Variants in PALD1 observed in about 807,000 individuals in gnomAD.
PALD1 encodes the protein paladin.
In PALD1, 57 loss-of-function variants were observed where a neutral mutation model predicts 96.0. The observed-to-expected ratio is 0.59, with a 90% confidence interval of 0.48 to 0.74. The LOEUF is 0.74. PALD1 is among the 30% of genes least tolerant of loss of function. The pLI is 0.00. For synonymous variants in PALD1, 464 were observed against 473.6 expected (o/e 0.98, Z 0.26); for missense variants, 1,063 against 1,143.7 (o/e 0.93, Z 1.02).
At chr10:70,527,694 C>T (rs1197641494) in intron 2 of PALD1, among the ~76,000 whole-genome samples, 5 of 152,202 alleles carry the variant, frequency 3.3e-5, no homozygotes, top group East Asian at 1.9e-4. Context: ...CCATGGGTCA[C>T]GTGGTAACAA....
At chr10:70,557,930 CT>C (rs781513750) in intron 18 of PALD1, among the ~76,000 whole-genome samples, 30,403 of 92,324 alleles carry the variant, frequency 0.33, 4,728 homozygotes, top group Non-Finnish European at 0.38. Context: ...TTGGCTCTTC[CT>C]TTTTTTTTTT....
the PALD1 span, among the ~76,000 whole-genome samples, chr10:70,461,366 T>G: frequency 6.6e-6 from 1 of 152,254 alleles, no homozygotes; most frequent in Non-Finnish European, 1.5e-5. Context: ...GCTGGAATTA[T>G]GTCTTTATTT....
chr10:70,537,823 C>A lies in PALD1; in HGVS notation c.1240C>A (p.Arg414=), dbSNP rs754176746. 12 of 1,612,674 alleles carry A rather than the reference C, an allele frequency of 7.4e-6. No individual in the cohort carries two copies. The highest frequency in any genetic ancestry group is 3.3e-5 in the Admixed American group (2 of 59,988). ...PESPAQGSGS[R]HSVWQRALWS... ...TCCTCTCTCTCAGGGAAGCGGCAGC[C>A]GACACAGCGTCTGGCAGAGGGCGCT... Residue 414 remains arginine, a synonymous_variant, in exon 11 of 20, where the codon CGA becomes AGA. Transcript: ENST00000263563.
At chr10:70,545,503 G>C (rs1004759259) in intron 17 of PALD1, among the ~76,000 whole-genome samples, 1 of 152,072 alleles carries the variant, frequency 6.6e-6, no homozygotes, top group Admixed American at 6.5e-5. Context: ...CTCAGCACAG[G>C]GTGGCTGGGA....
At chr10:70,543,220 T>C (rs185489130) in intron 17 of PALD1, among the ~76,000 whole-genome samples, 8 of 152,294 alleles carry the variant, frequency 5.3e-5, no homozygotes, top group African/African-American at 1.9e-4. Flanking sequence ...TCTGTTCAAG[T>C]CCTTTGTCCA....
At chr10:70,521,571 C>T (rs891230012) in intron 1 of PALD1, among the ~76,000 whole-genome samples, 15 of 152,020 alleles carry the variant, frequency 9.9e-5, no homozygotes, top group Admixed American at 9.8e-4. Flanking sequence ...CTTGCTCTGT[C>T]GCCCAGGCTG....
At chr10:70,494,526 T>A (rs1169994442) in intron 1 of PALD1, among the ~76,000 whole-genome samples, 1 of 152,236 alleles carries the variant, frequency 6.6e-6, no homozygotes, top group African/African-American at 2.4e-5. Context: ...TGCCACCTCC[T>A]CTTCCCCATA....
chr10:70,548,299 CAA>C lies in PALD1; in HGVS notation c.2262+864_2262+865del, dbSNP rs200247982. ...CAGCTTGGGTGATAGTGAGACTCCT[CAA>C]AAAAAAAAAAGTTTCATAATAGTCC... is the stretch of plus-strand genomic sequence containing the variant. On this transcript the variant is annotated intron_variant, in intron 18 of 19. Transcript: ENST00000263563. Among the ~76,000 whole-genome samples the C allele has an allele frequency of 3.5e-5, 5 of 142,596 alleles. No individual in the cohort carries two copies. In the South Asian group the frequency reaches 6.7e-4, roughly 19 times the overall value. 93.5% of individuals were successfully genotyped at this position (142,596 alleles called of 152,430 possible). A position where few individuals can be genotyped will look rare whatever the true frequency, so the allele number is the denominator to read the frequency against.
chr10:70,463,757 GCCA>G, the PALD1 span, among the ~76,000 whole-genome samples: 1 of 152,086 alleles, frequency 6.6e-6, no homozygotes, highest in Non-Finnish European at 1.5e-5. Context: ...GAACTGAGTG[GCCA>G]CCTCAGATGT....
chr10:70,506,200 C>T (rs1254564466), intron 1 of PALD1, among the ~76,000 whole-genome samples: 1 of 152,058 alleles, frequency 6.6e-6, no homozygotes, highest in African/African-American at 2.4e-5. Flanking sequence ...CATCATGGAC[C>T]CTTACGTGAC....
intron 1 of PALD1, among the ~76,000 whole-genome samples, chr10:70,491,032 G>A (rs1474961239): frequency 6.6e-6 from 1 of 151,878 alleles, no homozygotes; most frequent in East Asian, 1.9e-4. Flanking sequence ...TGCAAGCTCC[G>A]CCTCCTGGGT....
intron 1 of PALD1, among the ~76,000 whole-genome samples, chr10:70,482,967 G>T (rs73268789): frequency 1.3e-5 from 2 of 152,144 alleles, no homozygotes; most frequent in African/African-American, 4.8e-5. Context: ...AGGGACCAGC[G>T]TGGCATCTTG....
At position 70,529,246 on chromosome 10, in the gene PALD1, A is replaced by T; in HGVS notation, c.203A>T (p.Glu68Val). 1 of 927,422 alleles carries T rather than the reference A, an allele frequency of 1.1e-6. No individual in the cohort carries two copies. Among genetic ancestry groups the T allele is most frequent in the Non-Finnish European group, 1.5e-6 (1 of 648,386 alleles). 57.4% of individuals were successfully genotyped at this position (927,422 alleles called of 1,614,324 possible). Residue 68 changes from glutamate (E) to valine (V), a missense_variant, in exon 3 of 20, where the codon GAG (glutamate) becomes GTG (valine). Glu to Val is a moderately radical substitution (Grantham distance 121). Coordinates refer to ENST00000263563, the MANE Select transcript of PALD1 (RefSeq NM_014431.3). ...PVVITYNCKE[E>V]FQIHDELLKA... Reference sequence around the variant, plus strand: ...CCCCCCAGGTACAACTGCAAGGAGGAGTTCCAGATCCATGATGAGCTGCTC... The same window carrying T: ...CCCCCCAGGTACAACTGCAAGGAGGTGTTCCAGATCCATGATGAGCTGCTC...
chr10:70,489,093 G>T (rs1041788990), intron 1 of PALD1, among the ~76,000 whole-genome samples: 2 of 152,176 alleles, frequency 1.3e-5, no homozygotes, highest in African/African-American at 4.8e-5. Context: ...ACAGAAGAGG[G>T]ACCCTTGGGG....
At chr10:70,558,710 C>G (rs55814818) in intron 18 of PALD1, among the ~76,000 whole-genome samples, 1 of 39,694 alleles carries the variant, frequency 2.5e-5, no homozygotes, top group South Asian at 1.2e-3. Context: ...TGCTAAAATT[C>G]TTCTTACTAA....
intron 1 of PALD1, among the ~76,000 whole-genome samples, chr10:70,480,626 C>T (rs1288404646): frequency 6.6e-6 from 1 of 152,246 alleles, no homozygotes; most frequent in South Asian, 2.1e-4. Flanking sequence ...TTCTGTTTTT[C>T]TGGAGCACTT....
chr10:70,516,003 C>A (rs1370181866), intron 1 of PALD1, among the ~76,000 whole-genome samples: 1 of 152,206 alleles, frequency 6.6e-6, no homozygotes, highest in East Asian at 1.9e-4. Flanking sequence ...TAAACTCTTA[C>A]CTGCCACAGG....
At chr10:70,497,551 T>C (rs914601133) in intron 1 of PALD1, among the ~76,000 whole-genome samples, 6 of 151,502 alleles carry the variant, frequency 4.0e-5, no homozygotes, top group African/African-American at 1.5e-4. Flanking sequence ...GAAATGAATA[T>C]AGGCATTAAA....
At chr10:70,545,410 C>T (rs1247400714) in intron 17 of PALD1, among the ~76,000 whole-genome samples, 2 of 151,954 alleles carry the variant, frequency 1.3e-5, no homozygotes, top group East Asian at 3.9e-4. Context: ...CAGAAGGGTA[C>T]TGCTGTGGAG....
Sources: gnomAD v4.1 joint callset for allele counts (sites outside exome capture counted in the v4.1 genomes callset) on GRCh38, gnomAD v4.1.1 for gene constraint, MANE v1.5 for transcripts, NCBI Gene and HGNC (gene_info 2026-07-23, HGNC 2026-07-21) for gene names.